Variants in TSHZ2 observed in about 807,000 individuals in gnomAD.
TSHZ2 encodes teashirt zinc finger homeobox 2, also known as teashirt homolog 2.
In TSHZ2, 21 loss-of-function variants were observed where a neutral mutation model predicts 74.4. The observed-to-expected ratio is 0.28, with a 90% CI of 0.20 to 0.41. The LOEUF is 0.41. Among genes scored for constraint, TSHZ2 ranks in the 10% least tolerant of loss-of-function variants. The probability of loss-of-function intolerance (pLI) is 1.00; values close to 1 mark genes in which losing one functional copy is unlikely to be tolerated. For missense variants in TSHZ2, 1,244 were observed against 1,293.5 expected (o/e 0.96, Z 0.59); for synonymous variants, 540 against 515.3 (o/e 1.05, Z -0.65).
At chr20:53,262,640 A>G (rs1260344982) in intron 2 of TSHZ2, among the ~76,000 whole-genome samples, 3 of 152,222 alleles carry the variant, frequency 2.0e-5, no homozygotes, top group African/African-American at 7.2e-5. Flanking sequence ...GGGATTTTAA[A>G]TCAGTCATGA....
At chr20:53,004,534 A>G (rs969858393) in intron 1 of TSHZ2, among the ~76,000 whole-genome samples, 1 of 152,192 alleles carries the variant, frequency 6.6e-6, no homozygotes, top group Admixed American at 6.5e-5. Flanking sequence ...ACAAAAACAG[A>G]GAAAAGGCAT....
chr20:53,377,505 C>A (rs1039586392), intron 2 of TSHZ2, among the ~76,000 whole-genome samples: 10 of 152,166 alleles, frequency 6.6e-5, no homozygotes, highest in Admixed American at 5.2e-4. Context: ...ATATCTTAGA[C>A]TTTCAAGGCT....
At chr20:53,064,822 T>C (rs1409398593) in intron 1 of TSHZ2, among the ~76,000 whole-genome samples, 3 of 152,062 alleles carry the variant, frequency 2.0e-5, no homozygotes, top group African/African-American at 2.4e-5. Flanking sequence ...TTTTGACTCA[T>C]CCTGCCTTTA....
In TSHZ2 at chr20:53,358,794, G is replaced by A. The variant is rs185096096; in HGVS notation, c.*8+102223G>A. ...CCGTTAGGGTTTTTTAAACGGTCTT[G>A]TGCCACTTGATGAAGCAAAAATAAA... On this transcript the variant is annotated intron_variant, in intron 2 of 2. Coordinates refer to ENST00000371497, the MANE Select transcript of TSHZ2 (RefSeq NM_173485.6). Among the ~76,000 whole-genome samples the A allele has an allele frequency of 1.9e-3, 282 of 152,308 alleles. 2 individuals carry two copies. Among genetic ancestry groups the A allele is most frequent in the African/African-American group, 6.5e-3 (270 of 41,570 alleles).
chr20:53,413,896 C>A (rs1453141933), intron 2 of TSHZ2, among the ~76,000 whole-genome samples: 1 of 152,182 alleles, frequency 6.6e-6, no homozygotes, highest in African/African-American at 2.4e-5. Flanking sequence ...AATCCCAGTA[C>A]TTTGGGAGGC....
intron 1 of TSHZ2, among the ~76,000 whole-genome samples, chr20:53,007,404 G>A (rs559810739): frequency 6.6e-6 from 1 of 152,300 alleles, no homozygotes; most frequent in Non-Finnish European, 1.5e-5. Flanking sequence ...CTTGCAATAT[G>A]GCAACTGGGC....
intron 2 of TSHZ2, chr20:53,455,156 A>AGCAGTAGG (rs1477448216): frequency 6.6e-6 from 1 of 152,036 alleles, no homozygotes; most frequent in Non-Finnish European, 1.5e-5. Flanking sequence ...ATGTGTGGCG[A>AGCAGTAGG]GCAGTAGGAC....
chr20:53,225,162 G>A (rs1020076694), intron 1 of TSHZ2, among the ~76,000 whole-genome samples: 3 of 152,210 alleles, frequency 2.0e-5, no homozygotes, highest in African/African-American at 2.4e-5. Context: ...GTGGGCCATA[G>A]GTGGCCAATC....
chr20:53,259,388 A>G (rs556316796), intron 2 of TSHZ2, among the ~76,000 whole-genome samples: 14 of 152,366 alleles, frequency 9.2e-5, no homozygotes, highest in African/African-American at 3.4e-4. Flanking sequence ...TAAAAATTTC[A>G]TTAGAAAATA....
At chr20:53,101,170 G>A (rs556017671) in intron 1 of TSHZ2, among the ~76,000 whole-genome samples, 1 of 152,272 alleles carries the variant, frequency 6.6e-6, no homozygotes, top group South Asian at 2.1e-4. Context: ...AATCCTAAAA[G>A]AGATGTTTTG....
In TSHZ2 at chr20:53,009,478, TCA is replaced by T. The variant is rs1392853990; in HGVS notation, c.40+36149_40+36150del. On this transcript the variant is annotated intron_variant, in intron 1 of 2. Coordinates refer to ENST00000371497, the MANE Select transcript of TSHZ2 (RefSeq NM_173485.6). Reference sequence around the variant, plus strand: ...TGAAGCGGGACAGCTCAGGATTTCATCACACTACTCTGAAAGGCACATAATTT... The same window carrying T: ...TGAAGCGGGACAGCTCAGGATTTCATCACTACTCTGAAAGGCACATAATTT... 2.6e-5 allele frequency among the ~76,000 whole-genome samples: 4 copies of T among 152,314 alleles called. No individual in the cohort carries two copies. The East Asian group carries it at 7.7e-4, about 29-fold the overall frequency.
chr20:53,469,083 A>G (rs1304525376), intron 2 of TSHZ2, among the ~76,000 whole-genome samples: 4 of 132,954 alleles, frequency 3.0e-5, no homozygotes, highest in East Asian at 2.2e-4. Context: ...ATATATATAT[A>G]TGTACATATT....
At chr20:53,179,939 A>G (rs1237461960) in intron 1 of TSHZ2, among the ~76,000 whole-genome samples, 2 of 152,210 alleles carry the variant, frequency 1.3e-5, no homozygotes, top group Non-Finnish European at 2.9e-5. Context: ...TTACCCTAGC[A>G]ACTGTAAGAT....
intron 1 of TSHZ2, among the ~76,000 whole-genome samples, chr20:53,045,762 G>T (rs1984206838): frequency 6.6e-6 from 1 of 152,150 alleles, no homozygotes; most frequent in Admixed American, 6.5e-5. Context: ...AATCCCGGAG[G>T]GATGTGGTGA....
intron 1 of TSHZ2, among the ~76,000 whole-genome samples, chr20:53,141,983 A>G (rs1278921606): frequency 6.6e-6 from 1 of 152,152 alleles, no homozygotes; most frequent in Admixed American, 6.5e-5. Context: ...GATGTCAGGG[A>G]CGGTGGTGGG....
intron 1 of TSHZ2, among the ~76,000 whole-genome samples, chr20:53,011,381 A>G (rs141910542): frequency 1.4e-3 from 213 of 152,352 alleles, no homozygotes; most frequent in African/African-American, 4.5e-3. Context: ...TTTATTTCCA[A>G]TGTAACAGTG....
At chr20:53,148,333 G>A (rs1280940429) in intron 1 of TSHZ2, among the ~76,000 whole-genome samples, 1 of 152,196 alleles carries the variant, frequency 6.6e-6, no homozygotes, top group Non-Finnish European at 1.5e-5. Flanking sequence ...GAAGCTGTTA[G>A]CATCTAGCGT....
chr20:53,382,923 G>T (rs1981909983), intron 2 of TSHZ2, among the ~76,000 whole-genome samples: 1 of 152,148 alleles, frequency 6.6e-6, no homozygotes, highest in Non-Finnish European at 1.5e-5. Flanking sequence ...TGCAAAATGG[G>T]ATACCGATCC....
chr20:53,116,724 C>G (rs1986677459), intron 1 of TSHZ2, among the ~76,000 whole-genome samples: 1 of 152,178 alleles, frequency 6.6e-6, no homozygotes, highest in Non-Finnish European at 1.5e-5. Context: ...CTCAGGGAAC[C>G]TCCTCTGGCC....
Sources: allele counts gnomAD v4.1 joint callset (sites outside exome capture counted in the v4.1 genomes callset), GRCh38; gene constraint gnomAD v4.1.1; transcripts MANE v1.5; gene names NCBI Gene and HGNC (gene_info 2026-07-23, HGNC 2026-07-21).